Variants in ELF2 observed in about 807,000 individuals in gnomAD.
The protein encoded by ELF2 is E74 like ETS transcription factor 2, also known as ETS-related transcription factor Elf-2.
In ELF2, 11 loss-of-function variants were observed where a neutral mutation model predicts 54.8. That is an observed-to-expected ratio of 0.20 (90% CI 0.13 to 0.33). The LOEUF is 0.33. Ranked by LOEUF, ELF2 falls within the 10% of genes least tolerant of loss-of-function variation. ELF2 has a pLI of 1.00. For missense variants in ELF2, 513 were observed against 703.0 expected (o/e 0.73, Z 3.06); for synonymous variants, 203 against 245.1 (o/e 0.83, Z 1.61).
intron 1 of ELF2, among the ~76,000 whole-genome samples, chr4:139,170,728 T>TGA (rs1434403659): frequency 2.7e-5 from 4 of 145,980 alleles, no homozygotes; most frequent in Non-Finnish European, 4.5e-5. Flanking sequence ...TTATATTATA[T>TGA]TATATTATAT....
At chr4:139,084,165 G>C (rs1331598977) in intron 4 of ELF2, 8 of 1,613,428 alleles carry the variant, frequency 5.0e-6, no homozygotes, top group Non-Finnish European at 6.8e-6. Context: ...CTGGTTCGTG[G>C]GTCCCTCATG....
Position 139,140,140 on chromosome 4 carries a change from C to T in ELF2, c.-251-643G>A, listed in dbSNP as rs1400162061. Among the ~76,000 whole-genome samples the T allele has an allele frequency of 8.5e-5, 13 of 152,106 alleles. 1 individual carries two copies. On this transcript the variant is annotated intron_variant, in intron 1 of 9. Transcript: ENST00000686138. Reference sequence around the variant, plus strand: ...TTTTATTTTTAAATATAAGATATTGCTATGTTACCCAGTCTGATCTGGAAC... The same window carrying T: ...TTTTATTTTTAAATATAAGATATTGTTATGTTACCCAGTCTGATCTGGAAC...
chr4:139,115,173 C>G, intron 4 of ELF2: 4 of 1,612,550 alleles, frequency 2.5e-6, no homozygotes, highest in Non-Finnish European at 3.4e-6. Flanking sequence ...GGTTGAGGCG[C>G]TTCCGTAGCT....
chr4:139,144,345 G>A (rs1156358057), intron 1 of ELF2, among the ~76,000 whole-genome samples: 3 of 152,148 alleles, frequency 2.0e-5, no homozygotes, highest in Non-Finnish European at 4.4e-5. Context: ...GCGTATTCCC[G>A]GTCTCCAACG....
At chr4:139,106,698 T>C (rs1029850973) in intron 4 of ELF2, among the ~76,000 whole-genome samples, 4 of 151,742 alleles carry the variant, frequency 2.6e-5, no homozygotes, top group African/African-American at 7.3e-5. Context: ...AACACATGCA[T>C]TGATATATAT....
At chr4:139,101,447 A>T (rs1482088219) in intron 4 of ELF2, 1 of 152,166 alleles carries the variant, frequency 6.6e-6, no homozygotes, top group African/African-American at 2.4e-5. Flanking sequence ...TATTTTTTGG[A>T]GTTCTGTTTT....
chr4:139,061,512 T>C (rs1372800982), intron 8 of ELF2, among the ~76,000 whole-genome samples: 1 of 152,120 alleles, frequency 6.6e-6, no homozygotes. Flanking sequence ...CCTATCAACA[T>C]AAATCCATTT....
chr4:139,134,568 TTTTATTTTATGTTATA>T (rs1350706587), intron 3 of ELF2, among the ~76,000 whole-genome samples: 10 of 148,042 alleles, frequency 6.8e-5, no homozygotes, highest in African/African-American at 2.3e-4. Flanking sequence ...TTTTATGTTA[TTTTATTTTATGTTATA>T]TTTATTTTAT....
chr4:139,114,515 A>C (rs1735327076), intron 4 of ELF2, among the ~76,000 whole-genome samples: 1 of 145,614 alleles, frequency 6.9e-6, no homozygotes, highest in African/African-American at 2.5e-5. Flanking sequence ...GTGAGCTGAG[A>C]TCGCGCCACT....
intron 1 of ELF2, among the ~76,000 whole-genome samples, chr4:139,164,946 C>G (rs760177923): frequency 6.6e-6 from 1 of 152,162 alleles, no homozygotes; most frequent in Non-Finnish European, 1.5e-5. Context: ...GGTGTACGCT[C>G]ATAACCTTGG....
chr4:139,061,630 C>G (rs1403462132), intron 8 of ELF2, among the ~76,000 whole-genome samples: 1 of 152,066 alleles, frequency 6.6e-6, no homozygotes, highest in African/African-American at 2.4e-5. Context: ...TTAAGAAACA[C>G]TCCTAAGTAC....
In ELF2 at chr4:139,143,359, A is replaced by G. The variant is rs555347236; in HGVS notation, c.-251-3862T>C. ...GAGGAGCACACAAAGAAATGAGTAG[A>G]TATTATTGTTATGCCTCCCTTCACT... On this transcript the variant is annotated intron_variant, in intron 1 of 9. Transcript: ENST00000686138. Among the ~76,000 whole-genome samples the G allele has an allele frequency of 3.9e-5, 6 of 152,326 alleles. No individual in the cohort carries two copies. The East Asian group carries it at 9.6e-4, about 24-fold the overall frequency.
chr4:139,171,679 T>G (rs1742327634), intron 1 of ELF2, among the ~76,000 whole-genome samples: 1 of 150,720 alleles, frequency 6.6e-6, no homozygotes, highest in Non-Finnish European at 1.5e-5. Context: ...ATCCTAGCAC[T>G]TTGGGAGGCC....
intron 4 of ELF2, among the ~76,000 whole-genome samples, chr4:139,091,777 G>A (rs985608691): frequency 6.6e-6 from 1 of 151,962 alleles, no homozygotes; most frequent in Admixed American, 6.6e-5. Flanking sequence ...ACTGTACCTA[G>A]CCAGAAAATA....
intron 7 of ELF2, among the ~76,000 whole-genome samples, chr4:139,062,868 T>C (rs1480829400): frequency 6.6e-6 from 1 of 152,210 alleles, no homozygotes; most frequent in Non-Finnish European, 1.5e-5. Context: ...CTCTGAGGTA[T>C]ATGTATTATT....
intron 9 of ELF2, among the ~76,000 whole-genome samples, chr4:139,059,873 G>A (rs11733790): frequency 6.7e-6 from 1 of 149,144 alleles, no homozygotes; most frequent in East Asian, 2.0e-4. Flanking sequence ...TTGGAGATAA[G>A]GTCTCAGTCT....
At chr4:139,172,115 T>G (rs1433783085) in intron 1 of ELF2, among the ~76,000 whole-genome samples, 2 of 152,194 alleles carry the variant, frequency 1.3e-5, no homozygotes, top group Non-Finnish European at 2.9e-5. Context: ...TACTCCTAGA[T>G]AGCTAACCAA....
chr4:139,080,475 T>C (rs1330269972), intron 4 of ELF2, among the ~76,000 whole-genome samples: 2 of 152,194 alleles, frequency 1.3e-5, no homozygotes, highest in Non-Finnish European at 2.9e-5. Flanking sequence ...TAATGAACTT[T>C]AATAAAATAG....
chr4:139,124,492 A>G (rs1380586582), intron 4 of ELF2, among the ~76,000 whole-genome samples: 1 of 152,180 alleles, frequency 6.6e-6, no homozygotes, highest in Non-Finnish European at 1.5e-5. Context: ...CTCCATTAAC[A>G]GCTAAAGATG....
Sources: gnomAD v4.1 joint callset for allele counts (sites outside exome capture counted in the v4.1 genomes callset) on GRCh38, gnomAD v4.1.1 for gene constraint, MANE v1.5 for transcripts, NCBI Gene and HGNC (gene_info 2026-07-23, HGNC 2026-07-21) for gene names.